ANAPC10: variants seen among roughly 807,000 people sequenced by gnomAD.
ANAPC10 encodes anaphase-promoting complex subunit 10.
ANAPC10 carries 12 observed loss-of-function variants against 22.0 expected under a neutral mutation model. The ratio of observed to expected loss-of-function variants is 0.55; its 90% CI spans 0.35 to 0.88. ANAPC10 has a LOEUF of 0.88. Ranked by LOEUF, ANAPC10 falls within the 40% of genes least tolerant of loss-of-function variation. The pLI, the probability that ANAPC10 is intolerant of heterozygous loss-of-function variation, is 0.01. For missense variants in ANAPC10, 188 were observed against 220.9 expected (o/e 0.85, Z 0.94); for synonymous variants, 65 against 69.5 (o/e 0.94, Z 0.32).
At chr4:145,060,266 T>C (rs1243035848) in intron 4 of ANAPC10, among the ~76,000 whole-genome samples, 3 of 152,018 alleles carry the variant, frequency 2.0e-5, no homozygotes, top group Admixed American at 2.0e-4. Context: ...AGTTTTAGTA[T>C]CTTGTGACTA....
chr4:145,053,851 C>A (rs949248908), intron 4 of ANAPC10: 4 of 539,348 alleles, frequency 7.4e-6, no homozygotes, highest in Middle Eastern at 2.7e-4. Flanking sequence ...TGATAAAATG[C>A]TTCAGCAGGT....
intron 4 of ANAPC10, among the ~76,000 whole-genome samples, chr4:145,014,126 C>T (rs370774950): frequency 6.6e-6 from 1 of 152,210 alleles, no homozygotes; most frequent in East Asian, 1.9e-4. Context: ...CAGTGTGCAG[C>T]CTCCACAGGT....
rs934563109 is a variant in ANAPC10 at position 145,087,022 on chromosome 4, A to C, written c.116-5272T>G. Among the ~76,000 whole-genome samples the C allele has an allele frequency of 2.6e-5, 4 of 151,840 alleles. No individual in the cohort carries two copies. The East Asian group carries it at 7.8e-4, about 30-fold the overall frequency. ...ACTTCAGTCAATACACTGTGACACA[A>C]GCAGAGGCGGTAAATGTGCTTGCAA... is the stretch of plus-strand genomic sequence containing the variant. On this transcript the variant is annotated intron_variant, in intron 2 of 4. Transcript: ENST00000507656.
intron 4 of ANAPC10, among the ~76,000 whole-genome samples, chr4:145,037,376 A>C (rs1738740077): frequency 6.6e-6 from 1 of 152,184 alleles, no homozygotes; most frequent in Non-Finnish European, 1.5e-5. Flanking sequence ...AATTTTTTAA[A>C]TGTTTTATTA....
intron 4 of ANAPC10, among the ~76,000 whole-genome samples, chr4:145,062,766 T>A (rs1743092946): frequency 6.6e-6 from 1 of 152,158 alleles, no homozygotes; most frequent in Non-Finnish European, 1.5e-5. Flanking sequence ...AGAATCAACC[T>A]AAGTATTCAT....
chr4:145,092,560 G>T (rs1021632587), intron 2 of ANAPC10, among the ~76,000 whole-genome samples: 1 of 152,118 alleles, frequency 6.6e-6, no homozygotes, highest in African/African-American at 2.4e-5. Flanking sequence ...CCAAATGCAG[G>T]CTAGCATAAT....
At chr4:145,072,201 G>A (rs1396075866) in intron 3 of ANAPC10, among the ~76,000 whole-genome samples, 1 of 151,952 alleles carries the variant, frequency 6.6e-6, no homozygotes, top group Non-Finnish European at 1.5e-5. Context: ...CATAAAACTG[G>A]GTAGGTTACC....
At chr4:145,037,030 G>GTA in intron 4 of ANAPC10, among the ~76,000 whole-genome samples, 1 of 142,042 alleles carries the variant, frequency 7.0e-6, no homozygotes, top group East Asian at 2.0e-4. Context: ...GTGTGTGTGT[G>GTA]TGTGTGTGTA....
chr4:145,009,487 G>C (rs1733956700), intron 4 of ANAPC10, among the ~76,000 whole-genome samples: 1 of 152,080 alleles, frequency 6.6e-6, no homozygotes, highest in African/African-American at 2.4e-5. Flanking sequence ...TAGACCAATG[G>C]AACAGAACAG....
chr4:145,019,147 A>T (rs1003353001), intron 4 of ANAPC10, among the ~76,000 whole-genome samples: 3 of 152,190 alleles, frequency 2.0e-5, no homozygotes, highest in African/African-American at 7.2e-5. Context: ...CAGAATACAC[A>T]ATCTATTCAA....
intron 3 of ANAPC10, among the ~76,000 whole-genome samples, chr4:145,065,734 C>T (rs1047692023): frequency 6.6e-6 from 1 of 151,712 alleles, no homozygotes; most frequent in Admixed American, 6.6e-5. Flanking sequence ...TATATAGTTA[C>T]AGTAGAAAAA....
chr4:145,058,486 C>G (rs1296181873), intron 4 of ANAPC10, among the ~76,000 whole-genome samples: 4 of 152,164 alleles, frequency 2.6e-5, no homozygotes, highest in Non-Finnish European at 5.9e-5. Context: ...TTTTGCATAT[C>G]TCTTCCATGA....
At chr4:145,032,583 C>T (rs1737785286) in intron 4 of ANAPC10, among the ~76,000 whole-genome samples, 1 of 152,178 alleles carries the variant, frequency 6.6e-6, no homozygotes, top group Non-Finnish European at 1.5e-5. Context: ...CAACCTCTTT[C>T]CCCAGCCACC....
At chr4:145,010,342 T>C (rs778936767) in intron 4 of ANAPC10, among the ~76,000 whole-genome samples, 89 of 152,174 alleles carry the variant, frequency 5.8e-4, no homozygotes, top group Non-Finnish European at 1.1e-3. Flanking sequence ...CAAAGGATTA[T>C]AAATCAAGCT....
chr4:145,012,602 G>A (rs1023351559), intron 4 of ANAPC10, among the ~76,000 whole-genome samples: 10 of 152,166 alleles, frequency 6.6e-5, no homozygotes, highest in African/African-American at 2.4e-4. Flanking sequence ...ATTTATCAAT[G>A]CTAACATAAA....
At chr4:145,009,853 A>T (rs1462052937) in intron 4 of ANAPC10, among the ~76,000 whole-genome samples, 1 of 152,220 alleles carries the variant, frequency 6.6e-6, no homozygotes, top group East Asian at 1.9e-4. Flanking sequence ...GCTTCTGCAC[A>T]GCAAAAGAAA....
chr4:145,014,701 C>G (rs1409504123), intron 4 of ANAPC10, among the ~76,000 whole-genome samples: 4 of 152,178 alleles, frequency 2.6e-5, no homozygotes, highest in African/African-American at 9.7e-5. Flanking sequence ...ACTGCCACCT[C>G]CACTGGAATA....
At chr4:145,076,951 G>A (rs1745289505) in intron 3 of ANAPC10, among the ~76,000 whole-genome samples, 2 of 152,178 alleles carry the variant, frequency 1.3e-5, no homozygotes. Context: ...TGTAATCCCA[G>A]CACTTTGGGA....
At chr4:145,032,701 T>C (rs548730248) in intron 4 of ANAPC10, among the ~76,000 whole-genome samples, 27 of 152,324 alleles carry the variant, frequency 1.8e-4, no homozygotes, top group African/African-American at 5.8e-4. Flanking sequence ...CTGACGTGGC[T>C]ACGGCCACTG....
Sources: allele counts gnomAD v4.1 joint callset (sites outside exome capture counted in the v4.1 genomes callset), GRCh38; gene constraint gnomAD v4.1.1; transcripts MANE v1.5; gene names NCBI Gene and HGNC (gene_info 2026-07-23, HGNC 2026-07-21).